The following ASIC2 variants were observed in gnomAD, a reference collection of about 807,000 sequenced individuals.
ASIC2 encodes acid sensing ion channel subunit 2, also known as acid-sensing ion channel 2.
Under a neutral mutation model 57.3 loss-of-function variants are expected in ASIC2, and 25 were observed. The observed-to-expected ratio is 0.44, with a 90% CI of 0.32 to 0.61. ASIC2 has a LOEUF of 0.61. Among genes scored for constraint, ASIC2 ranks in the 20% least tolerant of loss-of-function variants. The pLI, the probability that ASIC2 is intolerant of heterozygous loss-of-function variation, is 0.06. For missense variants in ASIC2, 641 were observed against 738.1 expected, an observed-to-expected ratio of 0.87 and a Z score of 1.52; for synonymous variants, 319 against 307.5, an observed-to-expected ratio of 1.04 and a Z score of -0.39.
At chr17:33,799,434 CTTTCT>C (rs1567719072) in intron 1 of ASIC2, among the ~76,000 whole-genome samples, 556 of 31,102 alleles carry the variant, frequency 0.018, 7 homozygotes, top group East Asian at 0.061. Context: ...TTTCTTCTTT[CTTTCT>C]TTCTTTCTTT....
At chr17:33,390,186 G>A (rs1909840119) in intron 1 of ASIC2, among the ~76,000 whole-genome samples, 2 of 151,900 alleles carry the variant, frequency 1.3e-5, no homozygotes, top group South Asian at 2.1e-4. Context: ...GGTGGCACAC[G>A]CCTGTAATCC....
chr17:33,503,965 G>C (rs1914175114), intron 1 of ASIC2, among the ~76,000 whole-genome samples: 1 of 152,246 alleles, frequency 6.6e-6, no homozygotes, highest in Non-Finnish European at 1.5e-5. Flanking sequence ...AACATGAAGA[G>C]AATGGGGAAG....
intron 1 of ASIC2, among the ~76,000 whole-genome samples, chr17:33,320,810 A>G (rs1906839489): frequency 6.6e-6 from 1 of 152,138 alleles, no homozygotes; most frequent in Non-Finnish European, 1.5e-5. Context: ...CTGTCACCCC[A>G]GGGAGTTCAT....
chr17:33,752,631 T>C (rs1910469639), intron 1 of ASIC2, among the ~76,000 whole-genome samples: 1 of 152,216 alleles, frequency 6.6e-6, no homozygotes, highest in African/African-American at 2.4e-5. Flanking sequence ...GGATAGACCA[T>C]TTCCTTTTAT....
At chr17:34,013,791 C>A (rs752201080) in intron 1 of ASIC2, among the ~76,000 whole-genome samples, 1 of 152,158 alleles carries the variant, frequency 6.6e-6, no homozygotes, top group Non-Finnish European at 1.5e-5. Context: ...CCTTGTCCTA[C>A]CTTTACCCTC....
chr17:33,746,858 A>G (rs1382007139), intron 1 of ASIC2, among the ~76,000 whole-genome samples: 19 of 152,322 alleles, frequency 1.2e-4, no homozygotes, highest in African/African-American at 4.3e-4. Flanking sequence ...ACTGATTACA[A>G]TGGGATGAAA....
chr17:33,301,949 C>A lies in ASIC2; in HGVS notation c.556-189882G>T, dbSNP rs544631529. Among the ~76,000 whole-genome samples the A allele has an allele frequency of 2.8e-4, 43 of 152,346 alleles. No individual in the cohort carries two copies. In the South Asian group the frequency reaches 3.3e-3, roughly 12 times the overall value. The stretch of plus-strand genomic sequence containing the variant: ...CAGAGGCAACAGCAGCACAGCTTCT[C>A]CTTCAGATGTCCAGACCCTCTTCTT... On this transcript the variant is annotated intron_variant, in intron 1 of 9. Transcript: ENST00000359872.
chr17:33,197,173 T>C (rs994956871), intron 1 of ASIC2, among the ~76,000 whole-genome samples: 3 of 152,234 alleles, frequency 2.0e-5, no homozygotes, highest in Admixed American at 6.5e-5. Context: ...CCTAGCTCTT[T>C]CCCTGCTCTG....
At chr17:33,153,349 G>T (rs964190665) in intron 1 of ASIC2, among the ~76,000 whole-genome samples, 2 of 152,224 alleles carry the variant, frequency 1.3e-5, no homozygotes, top group African/African-American at 4.8e-5. Flanking sequence ...AGGGGTGAGA[G>T]TGCACTTGGG....
chr17:33,231,533 T>A (rs1194045442), intron 1 of ASIC2, among the ~76,000 whole-genome samples: 1 of 152,096 alleles, frequency 6.6e-6, no homozygotes, highest in Non-Finnish European at 1.5e-5. Flanking sequence ...CTGGACCCTG[T>A]TGCCCTGTCC....
At chr17:33,068,507 C>G (rs1288982364) in intron 3 of ASIC2, among the ~76,000 whole-genome samples, 1 of 148,750 alleles carries the variant, frequency 6.7e-6, no homozygotes. Flanking sequence ...ATTGCCTGGG[C>G]AACAAGAGCG....
chr17:33,442,314 A>G (rs1911854631), intron 1 of ASIC2, among the ~76,000 whole-genome samples: 1 of 152,220 alleles, frequency 6.6e-6, no homozygotes, highest in Non-Finnish European at 1.5e-5. Context: ...TTTCTAAAGA[A>G]GCCTGATGGG....
chr17:34,026,910 A>G (rs1206578089), intron 1 of ASIC2, among the ~76,000 whole-genome samples: 2 of 152,226 alleles, frequency 1.3e-5, no homozygotes, highest in Non-Finnish European at 2.9e-5. Context: ...ACCTTTCAGC[A>G]ACTCCTTTCT....
intron 1 of ASIC2, among the ~76,000 whole-genome samples, chr17:33,491,615 C>A (rs1913761772): frequency 6.6e-6 from 1 of 152,180 alleles, no homozygotes. Flanking sequence ...CTAACATAGT[C>A]ATTTGGACCC....
At chr17:33,443,797 G>GA (rs1281187651) in intron 1 of ASIC2, among the ~76,000 whole-genome samples, 1 of 151,134 alleles carries the variant, frequency 6.6e-6, no homozygotes, top group Non-Finnish European at 1.5e-5. Context: ...TTTTTTTCTC[G>GA]AATCAGTTTG....
Position 33,850,721 on chromosome 17 carries a change from T to C in ASIC2, c.555+305257A>G, listed in dbSNP as rs1372790495. Among the ~76,000 whole-genome samples the C allele has an allele frequency of 2.6e-5, 4 of 152,326 alleles. No homozygotes were observed. The East Asian group carries it at 7.7e-4, about 29-fold the overall frequency. On this transcript the variant is annotated intron_variant, in intron 1 of 9. Coordinates refer to the ASIC2 transcript ENST00000359872. ...ACTTCTGATGACAGAATGGAATCTA[T>C]CTGCTGTTTCAGGTGCTATGCATTG...
intron 1 of ASIC2, among the ~76,000 whole-genome samples, chr17:33,603,730 A>G (rs1905163126): frequency 6.6e-6 from 1 of 152,186 alleles, no homozygotes; most frequent in Admixed American, 6.5e-5. Flanking sequence ...AGTAGTATTA[A>G]CTGCTGTAAA....
chr17:33,799,441 TC>T (rs1912051246), intron 1 of ASIC2, among the ~76,000 whole-genome samples: 1 of 76,780 alleles, frequency 1.3e-5, no homozygotes, highest in Non-Finnish European at 3.0e-5. Flanking sequence ...TTTCTTTCTT[TC>T]TTTCTTTCTT....
intron 1 of ASIC2, among the ~76,000 whole-genome samples, chr17:33,284,065 C>A (rs1355766528): frequency 6.6e-6 from 1 of 152,180 alleles, no homozygotes; most frequent in Admixed American, 6.5e-5. Flanking sequence ...GTAAAAGTGT[C>A]TGGCAGAAAG....
Sources: gnomAD v4.1 joint callset for allele counts (sites outside exome capture counted in the v4.1 genomes callset) on GRCh38, gnomAD v4.1.1 for gene constraint, MANE v1.5 for transcripts, NCBI Gene and HGNC (gene_info 2026-07-23, HGNC 2026-07-21) for gene names.